The following RTL4 variants were observed in gnomAD, a reference collection of about 807,000 sequenced individuals.
The protein encoded by RTL4 is retrotransposon Gag like 4.
In RTL4, 4 loss-of-function variants were observed where a neutral mutation model predicts 5.3. That is an observed-to-expected ratio of 0.75 (90% confidence interval 0.37 to 1.72). RTL4 has a LOEUF of 1.72. RTL4 is among the 40% of genes most tolerant of loss of function. The probability of loss-of-function intolerance (pLI) is 0.04; values close to 1 mark genes in which losing one functional copy is unlikely to be tolerated. For missense variants in RTL4, 260 were observed against 227.1 expected, an observed-to-expected ratio of 1.14 and a Z score of -0.93; for synonymous variants, 98 against 87.3, an observed-to-expected ratio of 1.12 and a Z score of -0.68.
At chrX:112,312,488 A>T in the RTL4 span, among the ~76,000 whole-genome samples, 1 of 111,409 alleles carries the variant, frequency 9.0e-6, no homozygotes, top group African/African-American at 3.3e-5. Context: ...TCAGTTAAAG[A>T]CTGTGTTCAT....
the RTL4 span, among the ~76,000 whole-genome samples, chrX:112,244,100 A>G: frequency 8.9e-6 from 1 of 111,935 alleles, no homozygotes; most frequent in Admixed American, 9.5e-5. Context: ...TTTGCTGAGG[A>G]GTGCTTTACT....
chrX:112,382,087 G>A, the RTL4 span: 50 of 1,208,170 alleles, frequency 4.1e-5, no homozygotes, highest in Non-Finnish European at 5.3e-5. Flanking sequence ...AGCTGCAGCA[G>A]GAACAGTGGT....
chrX:112,449,891 G>T (rs1051074643), upstream of RTL4, among the ~76,000 whole-genome samples: 1 of 112,212 alleles, frequency 8.9e-6, no homozygotes, highest in African/African-American at 3.2e-5. Flanking sequence ...TGCCCATGTG[G>T]CCATTGATCT....
the RTL4 span, among the ~76,000 whole-genome samples, chrX:112,141,805 A>G: frequency 2.7e-5 from 3 of 111,859 alleles, no homozygotes; most frequent in Non-Finnish European, 5.6e-5. Context: ...TCAGTGACAC[A>G]TTTGTTTAAT....
At chrX:112,133,088 C>T in the RTL4 span, among the ~76,000 whole-genome samples, 2 of 111,677 alleles carry the variant, frequency 1.8e-5, no homozygotes, top group Admixed American at 9.5e-5. Flanking sequence ...GGTGAAATAG[C>T]GGCATATAGG....
At chrX:112,403,836 GACAA>G in the RTL4 span, among the ~76,000 whole-genome samples, 1 of 112,262 alleles carries the variant, frequency 8.9e-6, no homozygotes, top group African/African-American at 3.2e-5. Flanking sequence ...AGTCAGCCCT[GACAA>G]ACACAGTGTT....
chrX:112,222,944 A>G, the RTL4 span, among the ~76,000 whole-genome samples: 70 of 112,285 alleles, frequency 6.2e-4, no homozygotes, highest in African/African-American at 2.1e-3. Flanking sequence ...TGAACATATT[A>G]TGATACAAAT....
At chrX:112,337,533 T>C in the RTL4 span, among the ~76,000 whole-genome samples, 1 of 111,776 alleles carries the variant, frequency 8.9e-6, no homozygotes, top group Non-Finnish European at 1.9e-5. Context: ...TCTGCCCACC[T>C]TGGCCTCCCA....
chrX:112,367,332 A>G, the RTL4 span, among the ~76,000 whole-genome samples: 4 of 111,648 alleles, frequency 3.6e-5, no homozygotes, highest in African/African-American at 1.3e-4. Flanking sequence ...AAGAACCAAG[A>G]AAAGAAAACT....
At chrX:112,113,750 CT>C in the RTL4 span, among the ~76,000 whole-genome samples, 17 of 111,891 alleles carry the variant, frequency 1.5e-4, no homozygotes, top group African/African-American at 5.5e-4. Flanking sequence ...CAGCTTGTTT[CT>C]TGTTGGACAA....
At chrX:112,380,248 G>A in the RTL4 span, among the ~76,000 whole-genome samples, 150 of 109,170 alleles carry the variant, frequency 1.4e-3, no homozygotes, top group Middle Eastern at 0.014. Context: ...CCGGGTTCAC[G>A]CCATTCTCCC....
the RTL4 span, among the ~76,000 whole-genome samples, chrX:112,181,544 C>T: frequency 9.0e-6 from 1 of 111,614 alleles, no homozygotes; most frequent in Non-Finnish European, 1.9e-5. Flanking sequence ...TTTCTCCTCA[C>T]AGTGTAAACA....
chrX:112,285,309 A>G, the RTL4 span, among the ~76,000 whole-genome samples: 1 of 111,945 alleles, frequency 8.9e-6, no homozygotes, highest in Non-Finnish European at 1.9e-5. Context: ...TGACTTTGTA[A>G]TATTAGTGGA....
chrX:112,289,705 G>A, the RTL4 span, among the ~76,000 whole-genome samples: 1,458 of 111,223 alleles, frequency 0.013, 18 homozygotes, highest in African/African-American at 0.043. Context: ...TAATATTTAC[G>A]GAACACTCAC....
At chrX:112,305,734 A>G in the RTL4 span, among the ~76,000 whole-genome samples, 2 of 112,022 alleles carry the variant, frequency 1.8e-5, no homozygotes, top group Non-Finnish European at 3.8e-5. Flanking sequence ...AAGAAACACT[A>G]TTGTGATTCG....
At chrX:112,349,277 T>A in the RTL4 span, among the ~76,000 whole-genome samples, 21 of 111,788 alleles carry the variant, frequency 1.9e-4, no homozygotes, top group Admixed American at 9.5e-5. Flanking sequence ...GTTCTTACCT[T>A]TCTCTGAATC....
At chrX:112,327,004 G>A in the RTL4 span, among the ~76,000 whole-genome samples, 1 of 111,953 alleles carries the variant, frequency 8.9e-6, no homozygotes. Flanking sequence ...AAACCCATGT[G>A]CACATCACCA....
chrX:112,170,760 C>T, the RTL4 span, among the ~76,000 whole-genome samples: 1 of 111,320 alleles, frequency 9.0e-6, no homozygotes, highest in Non-Finnish European at 1.9e-5. Flanking sequence ...CCTGATTTTC[C>T]TGGCCAGGAC....
chrX:112,090,651 A>G, the RTL4 span, among the ~76,000 whole-genome samples: 5 of 111,191 alleles, frequency 4.5e-5, no homozygotes, highest in Admixed American at 3.8e-4. Context: ...TTGGTTTACT[A>G]GTATTTTTTT....
Sources: gnomAD v4.1 joint callset for allele counts (sites outside exome capture counted in the v4.1 genomes callset) on GRCh38, gnomAD v4.1.1 for gene constraint, MANE v1.5 for transcripts, NCBI Gene and HGNC (gene_info 2026-07-23, HGNC 2026-07-21) for gene names.